The following MLPH variants were observed in gnomAD, a reference collection of about 807,000 sequenced individuals.
MLPH encodes the protein melanophilin.
Under a neutral mutation model 72.1 loss-of-function variants are expected in MLPH, and 51 were observed. That is an observed-to-expected ratio of 0.71 (90% CI 0.56 to 0.89). The LOEUF (loss-of-function observed/expected upper bound fraction) is 0.89, where lower values mean the gene tolerates loss of function less well. MLPH is among the 40% of genes least tolerant of loss of function. The probability of loss-of-function intolerance (pLI) is 0.00; values close to 1 mark genes in which losing one functional copy is unlikely to be tolerated. For synonymous variants in MLPH, 301 were observed against 310.1 expected, an observed-to-expected ratio of 0.97 and a Z score of 0.31; for missense variants, 743 against 759.9, an observed-to-expected ratio of 0.98 and a Z score of 0.26.
Position 237,518,660 on chromosome 2 carries a change from C to G in MLPH, c.555+12C>G. 6.3e-7 allele frequency: 1 copy of G among 1,596,744 alleles called. No homozygotes were observed. Among genetic ancestry groups the G allele is most frequent in the Non-Finnish European group, 8.6e-7 (1 of 1,167,114 alleles). On this transcript the variant is annotated intron_variant, in intron 5 of 15. Coordinates refer to ENST00000264605, the MANE Select transcript of MLPH (RefSeq NM_024101.7). ...CCTTTGGCAGCAAAGTAAGTCATCT[C>G]CAGCCACCCCCTCCTCAGCCACCTC...
chr2:237,488,540 C>T (rs1394854454), intron 1 of MLPH, among the ~76,000 whole-genome samples: 2 of 152,208 alleles, frequency 1.3e-5, no homozygotes, highest in African/African-American at 4.8e-5. Flanking sequence ...CTGCCCAGGA[C>T]CGTGCTCCTT....
At chr2:237,524,050 C>T (rs767257386) in intron 6 of MLPH, among the ~76,000 whole-genome samples, 12 of 151,922 alleles carry the variant, frequency 7.9e-5, no homozygotes, top group Non-Finnish European at 1.2e-4. Flanking sequence ...ACAGGAGGAA[C>T]GTGATGGCTA....
At chr2:237,525,892 C>T in intron 7 of MLPH, 87 bp downstream of exon 7, 1 of 1,296,304 alleles carries the variant, frequency 7.7e-7, no homozygotes, top group Non-Finnish European at 1.1e-6. Context: ...CTGACCTATC[C>T]AACACACGGG....
intron 2 of MLPH, among the ~76,000 whole-genome samples, chr2:237,497,530 T>A (rs971477193): frequency 6.6e-6 from 1 of 152,012 alleles, no homozygotes; most frequent in African/African-American, 2.4e-5. Flanking sequence ...CACCGCAAGG[T>A]CAAAACACGC....
chr2:237,496,658 T>C (rs1214465231), intron 2 of MLPH, among the ~76,000 whole-genome samples: 1 of 152,196 alleles, frequency 6.6e-6, no homozygotes, highest in Non-Finnish European at 1.5e-5. Context: ...CCTGAGGCTG[T>C]TTGCTCAGAA....
At chr2:237,511,383 G>T (rs2079900904) in intron 4 of MLPH, 2 of 417,410 alleles carry the variant, frequency 4.8e-6, no homozygotes, top group Non-Finnish European at 4.5e-6. Flanking sequence ...AAGTGCTGGG[G>T]TTATAAGTGT....
At chr2:237,499,495 G>T (rs1299923817) in intron 2 of MLPH, among the ~76,000 whole-genome samples, 1 of 152,132 alleles carries the variant, frequency 6.6e-6, no homozygotes, top group African/African-American at 2.4e-5. Flanking sequence ...TGTTGAGCCA[G>T]CAGGTCCTCT....
chr2:237,546,575 C>T (rs1189107714), intron 12 of MLPH, 31 bp from the exon 13 acceptor site: 6 of 1,601,596 alleles, frequency 3.7e-6, no homozygotes, highest in Non-Finnish European at 5.1e-6. Flanking sequence ...GGAGGTTCAA[C>T]AATAACATAA....
intron 5 of MLPH, 111 bp from the exon 6 acceptor site, chr2:237,519,799 C>T: frequency 6.6e-7 from 1 of 1,505,250 alleles, no homozygotes; most frequent in South Asian, 1.1e-5. Flanking sequence ...GGAGAGGAGC[C>T]TGCCCCGCCC....
chr2:237,520,083 G>T (rs1363050386), intron 6 of MLPH, 54 bp downstream of exon 6: 3 of 1,612,304 alleles, frequency 1.9e-6, no homozygotes, highest in African/African-American at 1.3e-5. Context: ...TGAGTGGCAG[G>T]TGCTCAGGCC....
Position 237,541,040 on chromosome 2 carries a change from T to G in MLPH, c.1446+83T>G. ...CCAGGCCTTGAACATCTGCCAGCTC[T>G]AACATCCGCCAGCTCACACTGAGCC... On this transcript the variant is annotated intron_variant, in intron 11 of 15. Transcript: ENST00000264605. The surrounding 1 kb of genome is among the most constrained non-coding windows in gnomAD (Gnocchi z 5.1). 25 of 1,504,254 alleles carry G rather than the reference T, an allele frequency of 1.7e-5. No homozygotes were observed. Among genetic ancestry groups the G allele is most frequent in the Non-Finnish European group, 2.2e-5 (24 of 1,106,944 alleles). 93.2% of individuals were successfully genotyped at this position (1,504,254 alleles called of 1,614,324 possible).
intron 12 of MLPH, among the ~76,000 whole-genome samples, chr2:237,545,200 T>TTGGGACAGTGGTGAGTGGA (rs2080883005): frequency 7.8e-5 from 1 of 12,774 alleles, no homozygotes; most frequent in African/African-American, 7.4e-4. Context: ...CAGTGGTGAG[T>TTGGGACAGTGGTGAGTGGA]GGGGACAGTG....
At chr2:237,514,894 A>C (rs1270860462) in intron 4 of MLPH, among the ~76,000 whole-genome samples, 1 of 152,192 alleles carries the variant, frequency 6.6e-6, no homozygotes. Flanking sequence ...GCATCTTCCC[A>C]GACATTCCTA....
intron 4 of MLPH, among the ~76,000 whole-genome samples, chr2:237,516,776 GATGA>G (rs1467648699): frequency 6.9e-5 from 10 of 144,208 alleles, no homozygotes; most frequent in Middle Eastern, 3.4e-3. Flanking sequence ...GAGAGGGAGA[GATGA>G]ATGGATGGAT....
At chr2:237,545,477 G>T in intron 12 of MLPH, 1 of 1,288,760 alleles carries the variant, frequency 7.8e-7, no homozygotes, top group Non-Finnish European at 1.0e-6. Flanking sequence ...AGGGGACTCT[G>T]AGCCTCTGCT....
intron 14 of MLPH, chr2:237,552,033 C>A: frequency 3.2e-6 from 1 of 309,692 alleles, no homozygotes; most frequent in South Asian, 4.4e-5. Flanking sequence ...AATGCGAAGA[C>A]CACACACCAG....
In MLPH at chr2:237,534,602, C is replaced by A. The variant is rs2080493910; in HGVS notation, c.1059C>A (p.Cys353Ter). 6.2e-7 allele frequency: 1 copy of A among 1,613,840 alleles called. No individual in the cohort carries two copies. The change falls in exon 9 of 16, where the codon TGC (cysteine) becomes TGA (stop). Residue 353 changes from cysteine (C) to a stop codon, truncating the protein, a stop_gained. Coordinates refer to ENST00000264605, the MANE Select transcript of MLPH (RefSeq NM_024101.7). LOFTEE classifies it high-confidence loss of function. Reference sequence around the variant, plus strand: ...ATAAGCATATTTCAGCTGTGGAATGCCTGCTGACCTACCTGGAGAACACAG... The same window carrying A: ...ATAAGCATATTTCAGCTGTGGAATGACTGCTGACCTACCTGGAGAACACAG... Reference protein sequence around the residue: ...ELNKHISAVECLLTYLENTVV... With the variant: ...ELNKHISAVE
rs2079917864 is a variant in MLPH at position 237,512,133 on chromosome 2, C to A, written c.445+1032C>A. Reference sequence around the variant, plus strand: ...CTCCGGCAGCTGGGCACGTCCAGGGCAGAGGCTGTGCTTCTGGATTGGGGC... The same window carrying A: ...CTCCGGCAGCTGGGCACGTCCAGGGAAGAGGCTGTGCTTCTGGATTGGGGC... On this transcript the variant is annotated intron_variant, in intron 4 of 15. Coordinates refer to ENST00000264605, the MANE Select transcript of MLPH (RefSeq NM_024101.7). This position sits in a 1 kb window ranked among gnomAD's most constrained non-coding sequence, Gnocchi z 5.5. Among the ~76,000 whole-genome samples the A allele has an allele frequency of 6.6e-6, 1 of 152,248 alleles. No homozygotes were observed. Among genetic ancestry groups the A allele is most frequent in the Non-Finnish European group, 1.5e-5 (1 of 68,032 alleles).
intron 15 of MLPH, 115 bp from the exon 16 acceptor site, chr2:237,553,451 G>A (rs1442193950): frequency 1.5e-5 from 14 of 958,720 alleles, no homozygotes; most frequent in African/African-American, 3.2e-5. Context: ...TGTGTCTACA[G>A]ATGTGCACAT....
Sources: gnomAD v4.1 joint callset for allele counts (sites outside exome capture counted in the v4.1 genomes callset) on GRCh38, gnomAD v4.1.1 for gene constraint, Gnocchi (gnomAD v3.1) non-coding constraint, MANE v1.5 for transcripts, NCBI Gene and HGNC (gene_info 2026-07-23, HGNC 2026-07-21) for gene names.